Variants in PHF19 observed in about 807,000 individuals in gnomAD.
PHF19 encodes the protein polycomb like 3.
In PHF19, 21 loss-of-function variants were observed where a neutral mutation model predicts 79.8. The observed-to-expected ratio is 0.26, with a 90% CI of 0.19 to 0.38. The LOEUF (loss-of-function observed/expected upper bound fraction) is 0.38, where lower values mean the gene tolerates loss of function less well. Among genes scored for constraint, PHF19 ranks in the 10% least tolerant of loss-of-function variants. PHF19 has a pLI of 1.00. For synonymous variants in PHF19, 273 were observed against 296.3 expected (o/e 0.92, Z 0.81); for missense variants, 445 against 744.2 (o/e 0.60, Z 4.68).
At chr9:120,883,387 C>T (rs1465597878) in intron 1 of PHF19, among the ~76,000 whole-genome samples, 1 of 152,180 alleles carries the variant, frequency 6.6e-6, no homozygotes, top group African/African-American at 2.4e-5. Flanking sequence ...TGTAGCGAAC[C>T]ATGCTGTAGG....
chr9:120,864,141 C>T (rs1158338512), intron 9 of PHF19, 25 bp from the exon 10 acceptor site: 1 of 1,609,510 alleles, frequency 6.2e-7, no homozygotes, highest in Non-Finnish European at 8.5e-7. Context: ...GCCAGCAGGA[C>T]ATCAGACCCA....
intron 1 of PHF19, among the ~76,000 whole-genome samples, chr9:120,885,254 T>A (rs766298319): frequency 6.6e-6 from 1 of 152,096 alleles, no homozygotes; most frequent in Non-Finnish European, 1.5e-5. Flanking sequence ...GTTTTCCAAC[T>A]TCTCATTTTC....
At chr9:120,864,185 C>G (rs1427469792) in intron 9 of PHF19, 69 bp from the exon 10 acceptor site, 21 of 1,292,796 alleles carry the variant, frequency 1.6e-5, no homozygotes, top group Admixed American at 5.5e-5. Flanking sequence ...CAAGCCCCTA[C>G]TCCCTCCCTT....
chr9:120,890,436 G>T (rs1431241377), intron 1 of PHF19, among the ~76,000 whole-genome samples: 2 of 152,096 alleles, frequency 1.3e-5, no homozygotes, highest in East Asian at 3.9e-4. Flanking sequence ...TGACCAGTTA[G>T]AAATTAGGAG....
chr9:120,885,092 C>T (rs934756314), intron 1 of PHF19, among the ~76,000 whole-genome samples: 7 of 151,998 alleles, frequency 4.6e-5, no homozygotes, highest in African/African-American at 9.7e-5. Flanking sequence ...GTGACATGCA[C>T]CTGCAGCGCC....
chr9:120,895,236 C>T (rs2046391185), upstream of PHF19, among the ~76,000 whole-genome samples: 1 of 152,104 alleles, frequency 6.6e-6, no homozygotes, highest in Admixed American at 6.5e-5. Context: ...ACCCTGGCCT[C>T]CCTGGAGGCT....
At chr9:120,892,445 T>G (rs1379179148) in intron 1 of PHF19, among the ~76,000 whole-genome samples, 4 of 152,162 alleles carry the variant, frequency 2.6e-5, no homozygotes, top group African/African-American at 9.7e-5. Flanking sequence ...CGTTTAACAG[T>G]GTTCTCTTCA....
the PHF19 span, among the ~76,000 whole-genome samples, chr9:120,900,718 C>T: frequency 2.0e-5 from 3 of 152,172 alleles, no homozygotes; most frequent in Admixed American, 1.3e-4. Context: ...AGGCATATGG[C>T]ACCATGCCCA....
At chr9:120,880,017 G>A (rs1460420395), upstream of PHF19, among the ~76,000 whole-genome samples, 2 of 152,128 alleles carry the variant, frequency 1.3e-5, no homozygotes, top group Non-Finnish European at 2.9e-5. Context: ...GGTGGGGGGT[G>A]AGGATGTCGC....
chr9:120,888,042 A>C (rs569909621), intron 1 of PHF19, among the ~76,000 whole-genome samples: 54 of 152,258 alleles, frequency 3.5e-4, no homozygotes, highest in Non-Finnish European at 5.7e-4. Context: ...GCACGATCTC[A>C]GCTCACTGCA....
intron 6 of PHF19, among the ~76,000 whole-genome samples, chr9:120,868,069 G>T (rs1043772335): frequency 1.8e-4 from 26 of 146,910 alleles, no homozygotes; most frequent in African/African-American, 6.1e-4. Context: ...CCAGGGAAAA[G>T]AATCTTTTCT....
intron 1 of PHF19, 86 bp downstream of exon 1, chr9:120,877,005 A>G: frequency 1.0e-6 from 1 of 985,264 alleles, no homozygotes. Flanking sequence ...CGGGCCGCCA[A>G]AGTTCAGGGA....
At chr9:120,871,020 A>G (rs868159279) in intron 3 of PHF19, among the ~76,000 whole-genome samples, 1 of 152,164 alleles carries the variant, frequency 6.6e-6, no homozygotes, top group African/African-American at 2.4e-5. Context: ...CTCCTGCCTC[A>G]GCCTCCCGAG....
At chr9:120,898,588 G>A (rs78828280), upstream of PHF19, among the ~76,000 whole-genome samples, 505 of 152,320 alleles carry the variant, frequency 3.3e-3, no homozygotes, top group African/African-American at 0.011. Context: ...AACTAAAACT[G>A]GATGTCACAG....
intron 3 of PHF19, among the ~76,000 whole-genome samples, chr9:120,872,040 A>AAAAAAAG (rs1375060696): frequency 9.1e-5 from 12 of 131,856 alleles, no homozygotes; most frequent in Middle Eastern, 3.6e-3. Context: ...TCTGTCTCAA[A>AAAAAAAG]AAAAAAAAAA....
rs2045912428 is a variant in PHF19, at chr9:120,872,037, C to CAAAAAAAAAGAAAAAAAAAAAA, written c.269-1500_269-1499insTTTTTTTTTTTTCTTTTTTTTT. Among the ~76,000 whole-genome samples the CAAAAAAAAAGAAAAAAAAAAAA allele has an allele frequency of 6.6e-4, 20 of 30,320 alleles. 1 individual carries two copies. The highest frequency in any genetic ancestry group is 8.7e-4 in the Non-Finnish European group (16 of 18,286). The allele number at this position is 30,320 out of a possible 152,430, so 19.9% of individuals were successfully genotyped here. On this transcript the variant is annotated intron_variant, in intron 3 of 14. Transcript: ENST00000373896. ...TGGGTGACAGAGCAAGACTCTGTCT[C>CAAAAAAAAAGAAAAAAAAAAAA]AAAAAAAAAAAAAAAAAAAAAAAAA... is the stretch of plus-strand genomic sequence containing the variant.
chr9:120,866,741 A>G lies in PHF19; in HGVS notation c.710+129T>C, dbSNP rs79875427. The G allele has an allele frequency of 1.5e-3, 963 of 637,228 alleles. 9 individuals are homozygous for G. The highest frequency in any genetic ancestry group is 0.01 in the African/African-American group (561 of 55,502). 39.5% of individuals were successfully genotyped at this position (637,228 alleles called of 1,614,324 possible). A position where few individuals can be genotyped will look rare whatever the true frequency, so the allele number is the denominator to read the frequency against. ...CTACCTTGAGCTGCCTCCAGTAAAC[A>G]GGTAGGCATACATTGTCACAGACCT... is the stretch of plus-strand genomic sequence containing the variant. On this transcript the variant is annotated intron_variant, in intron 7 of 14. Transcript: ENST00000373896. The surrounding 1 kb of genome is among the most constrained non-coding windows in gnomAD (Gnocchi z 5.2).
intron 3 of PHF19, among the ~76,000 whole-genome samples, chr9:120,871,157 C>A (rs963306484): frequency 6.6e-6 from 1 of 152,210 alleles, no homozygotes; most frequent in Non-Finnish European, 1.5e-5. Flanking sequence ...CCTGCCTTGG[C>A]CTCTCAAAGT....
intron 1 of PHF19, among the ~76,000 whole-genome samples, chr9:120,894,166 TGGGAA>T (rs1275250672): frequency 2.6e-5 from 4 of 152,132 alleles, no homozygotes; most frequent in Non-Finnish European, 4.4e-5. Context: ...GAGATGAACG[TGGGAA>T]GCCTGCCTGG....
Sources: gnomAD v4.1 joint callset for allele counts (sites outside exome capture counted in the v4.1 genomes callset) on GRCh38, gnomAD v4.1.1 for gene constraint, Gnocchi (gnomAD v3.1) non-coding constraint, MANE v1.5 for transcripts, NCBI Gene and HGNC (gene_info 2026-07-23, HGNC 2026-07-21) for gene names.